PKD1: variants seen among roughly 807,000 people sequenced by gnomAD.
The protein encoded by PKD1 is polycystin-1.
In PKD1, 81 loss-of-function variants were observed where a neutral mutation model predicts 361.7. The ratio of observed to expected loss-of-function variants is 0.22; its 90% CI spans 0.19 to 0.27. The LOEUF is 0.27. Among genes scored for constraint, PKD1 ranks in the 10% least tolerant of loss-of-function variants. The pLI, the probability that PKD1 is intolerant of heterozygous loss-of-function variation, is 1.00. For missense variants in PKD1, 6,399 were observed against 6,118.3 expected, an observed-to-expected ratio of 1.05 and a Z score of -1.53; for synonymous variants, 3,615 against 2,818.3, an observed-to-expected ratio of 1.28 and a Z score of -8.95.
intron 1 of PKD1, among the ~76,000 whole-genome samples, chr16:2,133,696 G>A (rs888680615): frequency 1.6e-4 from 24 of 152,016 alleles, no homozygotes; most frequent in South Asian, 2.1e-4. Flanking sequence ...TCCCAGCGGC[G>A]GCCCCAGGTG....
rs767104322 is a variant in PKD1 at position 2,103,447 on chromosome 16, G to A, written c.8610C>T (p.Arg2870=). ...QIPIERLASE[R]AITVKVPNNS... Reference sequence around the variant, plus strand: ...TGTTGGGCACCTTCACGGTGATGGCGCGCTCTGAGGCCAGCCGCTCGATGG... The same window carrying A: ...TGTTGGGCACCTTCACGGTGATGGCACGCTCTGAGGCCAGCCGCTCGATGG... Residue 2870 remains arginine, a synonymous_variant, in exon 23 of 46, where the codon CGC becomes CGT. Transcript: ENST00000262304. 12 of 1,599,174 alleles carry A rather than the reference G, an allele frequency of 7.5e-6. No homozygotes were observed. Among genetic ancestry groups the A allele is most frequent in the Middle Eastern group, 2.3e-4 (1 of 4,428 alleles).
Position 2,094,181 on chromosome 16 carries a change from G to T in PKD1, c.10529C>A (p.Thr3510Lys). 6.2e-7 allele frequency: 1 copy of T among 1,605,978 alleles called. No individual in the cohort carries two copies. The highest frequency in any genetic ancestry group is 8.5e-7 in the Non-Finnish European group (1 of 1,175,614). Residue 3510 changes from threonine to lysine, a missense_variant, in exon 35 of 46, where the codon ACG becomes AAG. Physicochemically the swap from Thr to Lys is moderately conservative, Grantham distance 78. Transcript: ENST00000262304. ...CTCCCCCAGCCTCTGCAGCGCCAGC[G>T]TCTCTGTCTTCTCCCCAGGAGTGCT... ...LSSTPGEKTE[T>K]LALQRLGELG...
intron 6 of PKD1, 135 bp from the exon 7 acceptor site, chr16:2,117,188 G>C: frequency 1.5e-6 from 1 of 647,562 alleles, no homozygotes; most frequent in Non-Finnish European, 2.7e-6. Flanking sequence ...CGGAGACCAG[G>C]GCCCACCAGC....
Position 2,088,891 on chromosome 16 carries a change from A to ACACACC in PKD1, c.*835_*836insGGTGTG. 2.2e-6 allele frequency: 1 copy of ACACACC among 446,972 alleles called. No individual in the cohort carries two copies. The highest frequency in any genetic ancestry group is 4.0e-6 in the Non-Finnish European group (1 of 247,650). The allele number at this position is 446,972 out of a possible 1,614,324, so 27.7% of individuals were successfully genotyped here. A position where few individuals can be genotyped will look rare whatever the true frequency, so the allele number is the denominator to read the frequency against. ...CGCGCGTGCGCGCGCGCACACACAC[A>ACACACC]CACACACAGTCACCTTCCTCCACCC... On this transcript the variant is annotated 3_prime_UTR_variant, in exon 46 of 46. Coordinates refer to ENST00000262304, the MANE Select transcript of PKD1 (RefSeq NM_001009944.3).
At position 2,109,219 on chromosome 16, in the gene PKD1, C is replaced by G; in HGVS notation, c.5948G>C (p.Gly1983Ala). ...GTTCCTCTCAGTGCCCGTGGCGATG[C>G]CAGGCTCGCAGCAGTTGGGCACCTG... is the stretch of plus-strand genomic sequence containing the variant. ...GLQVPNCCEP[G>A]IATGTERNFT... Residue 1983 changes from glycine to alanine, a missense_variant, in exon 15 of 46, where the codon GGC becomes GCC. Coordinates refer to ENST00000262304, the MANE Select transcript of PKD1 (RefSeq NM_001009944.3). 1 of 1,592,912 alleles carries G rather than the reference C, an allele frequency of 6.3e-7. No individual in the cohort carries two copies. Among genetic ancestry groups the G allele is most frequent in the Admixed American group, 1.7e-5 (1 of 59,600 alleles).
rs201747031 is a variant in PKD1 at position 2,090,288 on chromosome 16, C to T, written c.12441G>A (p.Lys4147=). The T allele has an allele frequency of 9.3e-6, 15 of 1,609,784 alleles. No homozygotes were observed. The highest frequency in any genetic ancestry group is 1.3e-5 in the Non-Finnish European group (15 of 1,178,130). ...CCCCCCACTGGGCCGTACCCACCTC[C>T]TTGACCTTGCTGAGGCCCATCCAGA... ...LRLWMGLSKV[K]EFRHKVRFEG... Residue 4147 remains lysine, a synonymous_variant, in exon 45 of 46, where the codon AAG becomes AAA. Coordinates refer to ENST00000262304, the MANE Select transcript of PKD1 (RefSeq NM_001009944.3).
Position 2,103,670 on chromosome 16 carries a change from T to A in PKD1, c.8387A>T (p.Tyr2796Phe), listed in dbSNP as rs765384310. ...KRSDPRSLLC[Y>F]GGAPGPGCHF... ...GCAGCCAGGCCCTGGGGCGCCGCCA[T>A]AGCACAGCAGGCTCCGCGGGTCCGA... is the stretch of plus-strand genomic sequence containing the variant. The change falls in exon 23 of 46, where the codon TAT becomes TTT. Residue 2796 changes from tyrosine to phenylalanine, a missense_variant. Coordinates refer to ENST00000262304, the MANE Select transcript of PKD1 (RefSeq NM_001009944.3). 14 of 1,610,224 alleles carry A rather than the reference T, an allele frequency of 8.7e-6. No individual in the cohort carries two copies. The highest frequency in any genetic ancestry group is 1.2e-5 in the Non-Finnish European group (14 of 1,179,616).
Position 2,111,472 on chromosome 16 carries a change from C to G in PKD1, c.3695G>C (p.Ser1232Thr), listed in dbSNP as rs764365192. Residue 1232 changes from serine to threonine, a missense_variant, in exon 15 of 46, where the codon AGC (serine) becomes ACC (threonine). By Grantham distance (58) the Ser-to-Thr change is moderately conservative (BLOSUM62 1). Coordinates refer to ENST00000262304, the MANE Select transcript of PKD1 (RefSeq NM_001009944.3). ...GTTGTCGCCCGTCTGCACCGCGGCG[C>G]TGACCACCACGGGGGCGCCCTGCTC... is the stretch of plus-strand genomic sequence containing the variant. ...AVEQGAPVVVSAAVQTGDNIT... is the reference protein window; with the variant it reads ...AVEQGAPVVVTAAVQTGDNIT... 5.6e-5 allele frequency: 91 copies of G among 1,611,510 alleles called. No individual in the cohort carries two copies. In the Middle Eastern group the frequency reaches 1.3e-3, roughly 23 times the overall value.
chr16:2,091,246 GCCGGGGCGGGGCCCTA>G (rs1352476946), intron 42 of PKD1, 72 bp from the exon 43 acceptor site: 151 of 616,478 alleles, frequency 2.4e-4, no homozygotes, highest in Non-Finnish European at 2.9e-4. Context: ...GCGGGACGCT[GCCGGGGCGGGGCCCTA>G]CGAGGGGGCG....
intron 1 of PKD1, among the ~76,000 whole-genome samples, chr16:2,128,965 G>A (rs1017358537): frequency 1.3e-5 from 2 of 152,028 alleles, no homozygotes; most frequent in African/African-American, 2.4e-5. Context: ...CCGGGTTCAA[G>A]TGATTCTCCT....
Position 2,115,629 on chromosome 16 carries a change from T to G in PKD1, c.1850-4A>C. On this transcript the variant is annotated splice_polypyrimidine_tract_variant and splice_region_variant and intron_variant, in intron 9 of 45. Coordinates refer to ENST00000262304, the MANE Select transcript of PKD1 (RefSeq NM_001009944.3). ...TCGCTGCCGTTCTCCGGGGTCCCTG[T>G]GAGGAGGGGAGGGTGTTGGGGCCCT... The G allele has an allele frequency of 6.3e-7, 1 of 1,594,896 alleles. No homozygotes were observed. The highest frequency in any genetic ancestry group is 8.5e-7 in the Non-Finnish European group (1 of 1,173,342).
At position 2,102,495 on chromosome 16, in the gene PKD1, C is replaced by A; in HGVS notation, c.9087G>T (p.Gly3029=). 1 of 1,582,402 alleles carries A rather than the reference C, an allele frequency of 6.3e-7. No individual in the cohort carries two copies. Among genetic ancestry groups the A allele is most frequent in the African/African-American group, 1.4e-5 (1 of 74,044 alleles). ...SEEDMVWRTE[G]LLPLEETSPR... ...GCGAGGTCTCCTCCAGGGGCAGCAG[C>A]CCCTCTGTCCGCCACACCATGTCCT... The change falls in exon 25 of 46, where the codon GGG becomes GGT. Residue 3029 remains glycine, a synonymous_variant. Transcript: ENST00000262304.
At position 2,090,462 on chromosome 16, in the gene PKD1, C is replaced by G. The variant is rs1489987694; in HGVS notation, c.12267G>C (p.Gly4089=). 7.4e-6 allele frequency: 12 copies of G among 1,612,208 alleles called. No homozygotes were observed. Among genetic ancestry groups the G allele is most frequent in the African/African-American group, 6.7e-5 (5 of 74,904 alleles). The stretch of plus-strand genomic sequence containing the variant: ...CGCCCCACAGCCGCAGTGCCCAGAG[C>G]CCCACACACAGCAGGGGTGACAGGT... ...SWHLSPLLCV[G]LWALRLWGAL... Residue 4089 remains glycine, a synonymous_variant, in exon 45 of 46, where the codon GGG becomes GGC. Transcript: ENST00000262304.
At chr16:2,097,817 C>T in intron 31 of PKD1, 37 bp from the exon 32 acceptor site, 1 of 1,611,150 alleles carries the variant, frequency 6.2e-7, no homozygotes, top group Non-Finnish European at 8.5e-7. Flanking sequence ...CAAGCTGCGC[C>T]AAGGCGGCAG....
intron 8 of PKD1, 122 bp from the exon 9 acceptor site, chr16:2,116,240 G>A: frequency 9.4e-7 from 1 of 1,063,502 alleles, no homozygotes; most frequent in Non-Finnish European, 1.4e-6. Flanking sequence ...GACCCCCACA[G>A]GCCTGGCTCC....
intron 39 of PKD1, 93 bp from the exon 40 acceptor site, chr16:2,092,281 G>A (rs1387893928): frequency 8.6e-6 from 12 of 1,388,316 alleles, no homozygotes; most frequent in South Asian, 1.3e-5. Context: ...GCTCTGGTTC[G>A]GCGCCACCCC....
At chr16:2,098,352 G>GCA (rs1249381006) in intron 30 of PKD1, among the ~76,000 whole-genome samples, 2 of 152,084 alleles carry the variant, frequency 1.3e-5, no homozygotes, top group African/African-American at 4.8e-5. Flanking sequence ...GGGATTACAG[G>GCA]TGCCTGCCAC....
intron 8 of PKD1, 179 bp from the exon 9 acceptor site, chr16:2,116,297 G>T (rs901505921): frequency 4.1e-6 from 3 of 725,154 alleles, no homozygotes; most frequent in Non-Finnish European, 7.2e-6. Context: ...ATGGGGGGCA[G>T]GACCCCTGAC....
chr16:2,135,486 G>A lies in PKD1; in HGVS notation c.204C>T (p.Asp68=). ...GGCCCGCTACTCACAGCGCTGTGGC[G>A]TCCGCGGGGATGCGCAGCGCGGGAC... The part of the protein sequence containing the change: ...TLGPALRIPA[D]ATALDVSHNL... The change falls in exon 1 of 46, where the codon GAC becomes GAT. Residue 68 remains aspartate (D), a synonymous_variant. Coordinates refer to ENST00000262304, the MANE Select transcript of PKD1 (RefSeq NM_001009944.3). 2 of 1,166,558 alleles carry A rather than the reference G, an allele frequency of 1.7e-6. No individual in the cohort carries two copies. Among genetic ancestry groups the A allele is most frequent in the Non-Finnish European group, 2.1e-6 (2 of 943,280 alleles). 72.3% of individuals were successfully genotyped at this position (1,166,558 alleles called of 1,614,324 possible).
Sources: allele counts gnomAD v4.1 joint callset (sites outside exome capture counted in the v4.1 genomes callset), GRCh38; gene constraint gnomAD v4.1.1; transcripts MANE v1.5; gene names NCBI Gene and HGNC (gene_info 2026-07-23, HGNC 2026-07-21).